The following NADSYN1 variants were observed in gnomAD, a reference collection of about 807,000 sequenced individuals.
NADSYN1 encodes the protein glutamine-dependent NAD(+) synthetase.
Under a neutral mutation model 99.3 loss-of-function variants are expected in NADSYN1, and 80 were observed. That is an observed-to-expected ratio of 0.81 (90% CI 0.67 to 0.97). The LOEUF (loss-of-function observed/expected upper bound fraction) is 0.97. Among genes scored for constraint, NADSYN1 ranks in the 50% least tolerant of loss-of-function variants. The pLI is 0.00. For synonymous variants in NADSYN1, 385 were observed against 372.1 expected (o/e 1.03, Z -0.40); for missense variants, 859 against 948.5 (o/e 0.91, Z 1.24).
At position 71,501,307 on chromosome 11, in the gene NADSYN1, A is replaced by G. The variant is rs998699755; in HGVS notation, c.2076A>G (p.Leu692=). The G allele has an allele frequency of 7.5e-6, 12 of 1,593,198 alleles. No individual in the cohort carries two copies. In the Admixed American group the frequency reaches 1.1e-4, roughly 14 times the overall value. ...TCACAGGCCTCTCTTTCCAGGTGCT[A>G]CAGCTCGAGAGGGCAGAGCCACAGT... ...WQFRCIENQV[L]QLERAEPQSL... is the part of the protein sequence containing the mutation. Residue 692 remains leucine (L), a synonymous_variant, in exon 21 of 21, where the codon CTA becomes CTG. Coordinates refer to ENST00000319023, the MANE Select transcript of NADSYN1 (RefSeq NM_018161.5).
chr11:71,462,495 G>A (rs527776247), intron 3 of NADSYN1, among the ~76,000 whole-genome samples: 5 of 152,166 alleles, frequency 3.3e-5, no homozygotes, highest in Admixed American at 2.0e-4. Context: ...ATTGAGTGAC[G>A]TCTTCTGTCT....
rs764231497 is a variant in NADSYN1, at chr11:71,490,973, A to G, written c.1691A>G (p.Gln564Arg). 1.5e-5 allele frequency: 25 copies of G among 1,613,966 alleles called. No homozygotes were observed. The highest frequency in any genetic ancestry group is 2.0e-5 in the Non-Finnish European group (24 of 1,179,984). The change falls in exon 17 of 21, where the codon CAG becomes CGG. Residue 564 changes from glutamine (Q) to arginine (R), a missense_variant. Physicochemically the swap from Gln to Arg is conservative, Grantham distance 43. Transcript: ENST00000319023. ...CIQRFQLPALQSILLAPATAE... is the reference protein window; with the variant it reads ...CIQRFQLPALRSILLAPATAE... ...CAGCGCTTCCAGCTTCCTGCCCTGC[A>G]GAGGTGAGTGTGCTCACGGGCTGTG...
chr11:71,497,131 G>A, intron 18 of NADSYN1: 1 of 279,194 alleles, frequency 3.6e-6, no homozygotes, highest in South Asian at 4.3e-5. Flanking sequence ...TCCCACCTCG[G>A]CCTCCCAAAG....
intron 6 of NADSYN1, 35 bp downstream of exon 6, chr11:71,472,535 G>A (rs777996030): frequency 1.0e-4 from 158 of 1,587,678 alleles, no homozygotes; most frequent in Middle Eastern, 3.5e-4. Flanking sequence ...TTTTTCAGTC[G>A]GTTGTCGCTG....
At chr11:71,481,076 C>T (rs971180531) in intron 11 of NADSYN1, 197 bp downstream of exon 11, 55 of 737,214 alleles carry the variant, frequency 7.5e-5, no homozygotes, top group Non-Finnish European at 1.0e-4. Flanking sequence ...AGCCCTGCTG[C>T]TTCCCCGTGC....
At chr11:71,485,520 T>C (rs774719918) in intron 15 of NADSYN1, 22 bp from the exon 16 acceptor site, 3 of 1,528,808 alleles carry the variant, frequency 2.0e-6, no homozygotes, top group Admixed American at 4.3e-5. Context: ...GAACCCGTTA[T>C]TTCCTCTGTT....
chr11:71,460,383 C>T (rs766527098), intron 3 of NADSYN1, among the ~76,000 whole-genome samples: 1 of 152,216 alleles, frequency 6.6e-6, no homozygotes, highest in South Asian at 2.1e-4. Flanking sequence ...CAGATTCTCA[C>T]TCTGTTGTCC....
intron 5 of NADSYN1, 28 bp downstream of exon 5, chr11:71,464,170 GAT>G (rs1275209613): frequency 1.9e-6 from 3 of 1,562,810 alleles, no homozygotes; most frequent in Admixed American, 3.6e-5. Context: ...CCACTCCTGG[GAT>G]GTGCGTTAAG....
chr11:71,492,824 A>G (rs892987049), intron 18 of NADSYN1, among the ~76,000 whole-genome samples: 2 of 152,126 alleles, frequency 1.3e-5, no homozygotes, highest in African/African-American at 4.8e-5. Context: ...TCTTAATCAT[A>G]AGAACTCTTC....
Position 71,490,987 on chromosome 11 carries a change from T to A in NADSYN1, c.1694+11T>A, listed in dbSNP as rs201839138. 1.2e-6 allele frequency: 2 copies of A among 1,613,814 alleles called. No individual in the cohort carries two copies. The highest frequency in any genetic ancestry group is 1.7e-6 in the Non-Finnish European group (2 of 1,179,834). ...TCCTGCCCTGCAGAGGTGAGTGTGC[T>A]CACGGGCTGTGGCTCCACAGCCACG... On this transcript the variant is annotated intron_variant, in intron 17 of 20. Coordinates refer to ENST00000319023, the MANE Select transcript of NADSYN1 (RefSeq NM_018161.5).
chr11:71,454,576 T>C (rs933429353), intron 1 of NADSYN1, among the ~76,000 whole-genome samples: 4 of 109,678 alleles, frequency 3.6e-5, no homozygotes, highest in Middle Eastern at 4.2e-3. Context: ...GCAAATCTAG[T>C]TGAACTGAAG....
rs1000538440 is a variant in NADSYN1 at position 71,493,403 on chromosome 11, C to T, written c.1764+1500C>T. 1.2e-4 allele frequency among the ~76,000 whole-genome samples: 19 copies of T among 152,110 alleles called. No individual in the cohort carries two copies. The South Asian group carries it at 2.3e-3, about 18-fold the overall frequency. Reference sequence around the variant, plus strand: ...ACCATATACCCTGCACCTTGTTGAGCTCATGTATTAGTGCTCAGAGCTTTT... The same window carrying T: ...ACCATATACCCTGCACCTTGTTGAGTTCATGTATTAGTGCTCAGAGCTTTT... On this transcript the variant is annotated intron_variant, in intron 18 of 20. Transcript: ENST00000319023.
intron 5 of NADSYN1, among the ~76,000 whole-genome samples, chr11:71,469,069 A>G (rs1157532338): frequency 6.6e-6 from 1 of 152,246 alleles, no homozygotes; most frequent in African/African-American, 2.4e-5. Context: ...GATTCAGTGT[A>G]GTTTCCATAA....
At chr11:71,458,055 T>C (rs763681477) in intron 2 of NADSYN1, among the ~76,000 whole-genome samples, 9 of 152,202 alleles carry the variant, frequency 5.9e-5, no homozygotes, top group Non-Finnish European at 1.0e-4. Flanking sequence ...TGATCTTCTT[T>C]GCCAAAGAAT....
At chr11:71,459,318 G>C (rs1017989257) in intron 3 of NADSYN1, among the ~76,000 whole-genome samples, 2 of 151,158 alleles carry the variant, frequency 1.3e-5, no homozygotes, top group African/African-American at 4.9e-5. Context: ...GCTGGCGTCT[G>C]TGCTGTCCCT....
At chr11:71,471,202 C>A (rs12278475) in intron 5 of NADSYN1, among the ~76,000 whole-genome samples, 8 of 152,224 alleles carry the variant, frequency 5.3e-5, no homozygotes, top group African/African-American at 1.9e-4. Context: ...CTTTCATCCC[C>A]GTGGAAGAGG....
chr11:71,457,218 T>C (rs12280295), intron 2 of NADSYN1, among the ~76,000 whole-genome samples: 7,341 of 152,354 alleles, frequency 0.048, 592 homozygotes, highest in African/African-American at 0.17. Context: ...AGAAAGGACA[T>C]CTCAGAACTC....
intron 15 of NADSYN1, 180 bp downstream of exon 15, chr11:71,484,627 TC>T: frequency 2.3e-6 from 2 of 853,084 alleles, no homozygotes; most frequent in Non-Finnish European, 3.5e-6. Context: ...AAGACGTCGG[TC>T]ATGCAGCCTT....
chr11:71,474,953 C>T (rs1042382504), intron 9 of NADSYN1: 9 of 253,784 alleles, frequency 3.5e-5, no homozygotes, highest in South Asian at 1.5e-4. Flanking sequence ...AGGAGGGCTC[C>T]GTGCCACGCA....
Sources: allele counts gnomAD v4.1 joint callset (sites outside exome capture counted in the v4.1 genomes callset), GRCh38; gene constraint gnomAD v4.1.1; transcripts MANE v1.5; gene names NCBI Gene and HGNC (gene_info 2026-07-23, HGNC 2026-07-21).